Variants in PAN3 observed in about 807,000 individuals in gnomAD.
The protein encoded by PAN3 is poly(A) specific ribonuclease subunit PAN3.
PAN3 carries 19 observed loss-of-function variants against 96.2 expected under a neutral mutation model. The ratio of observed to expected loss-of-function variants is 0.20; its 90% CI spans 0.14 to 0.29. PAN3 has a LOEUF of 0.29. Among genes scored for constraint, PAN3 ranks in the 10% least tolerant of loss-of-function variants. The pLI, the probability that PAN3 is intolerant of heterozygous loss-of-function variation, is 1.00. For synonymous variants in PAN3, 433 were observed against 406.6 expected, an observed-to-expected ratio of 1.06 and a Z score of -0.78; for missense variants, 882 against 1,108.1, an observed-to-expected ratio of 0.80 and a Z score of 2.90.
intron 1 of PAN3, among the ~76,000 whole-genome samples, chr13:28,163,757 C>T (rs777562920): frequency 3.3e-5 from 5 of 152,054 alleles, no homozygotes; most frequent in Admixed American, 6.6e-5. Flanking sequence ...AAAGTTCAAT[C>T]GTTATATGAT....
chr13:28,214,300 C>CA (rs1880456848), intron 5 of PAN3, among the ~76,000 whole-genome samples: 1 of 151,966 alleles, frequency 6.6e-6, no homozygotes, highest in Non-Finnish European at 1.5e-5. Context: ...TTGTAATAGC[C>CA]AAAACTTGGA....
chr13:28,189,389 G>C (rs545929918), intron 4 of PAN3, among the ~76,000 whole-genome samples: 1 of 152,236 alleles, frequency 6.6e-6, no homozygotes, highest in Non-Finnish European at 1.5e-5. Flanking sequence ...GGTGGTGGGT[G>C]CCTGTAATCC....
chr13:28,259,337 G>A (rs374280482), intron 7 of PAN3, among the ~76,000 whole-genome samples: 26 of 149,926 alleles, frequency 1.7e-4, no homozygotes, highest in African/African-American at 4.4e-4. Context: ...ATGGAGTCTC[G>A]GCTCTGTCAC....
intron 6 of PAN3, among the ~76,000 whole-genome samples, chr13:28,247,858 A>G (rs535280099): frequency 6.6e-6 from 1 of 152,052 alleles, no homozygotes; most frequent in Non-Finnish European, 1.5e-5. Context: ...CAAGTAGTAG[A>G]TGTCTCGTGC....
intron 5 of PAN3, among the ~76,000 whole-genome samples, chr13:28,219,271 T>C (rs977831495): frequency 2.0e-5 from 3 of 152,212 alleles, no homozygotes; most frequent in Admixed American, 1.3e-4. Flanking sequence ...AGTTCTAGTG[T>C]ATTTTAATTA....
chr13:28,287,142 C>T (rs1015274514), intron 17 of PAN3, among the ~76,000 whole-genome samples: 9 of 152,174 alleles, frequency 5.9e-5, no homozygotes, highest in Admixed American at 1.3e-4. Flanking sequence ...CGATCTCTGA[C>T]GAAGGAGCAT....
At chr13:28,248,018 T>C (rs1884368518) in intron 6 of PAN3, among the ~76,000 whole-genome samples, 2 of 152,222 alleles carry the variant, frequency 1.3e-5, no homozygotes, top group South Asian at 4.1e-4. Context: ...AGTATTAACA[T>C]TTTAACAATA....
chr13:28,249,094 T>TA (rs1288602759), intron 6 of PAN3, among the ~76,000 whole-genome samples: 1 of 152,206 alleles, frequency 6.6e-6, no homozygotes, highest in Non-Finnish European at 1.5e-5. Context: ...GAAGCCTGAT[T>TA]AAAAAAATGT....
intron 1 of PAN3, among the ~76,000 whole-genome samples, chr13:28,158,612 T>C (rs1406982793): frequency 6.6e-6 from 1 of 152,220 alleles, no homozygotes; most frequent in Non-Finnish European, 1.5e-5. Context: ...GCGTGGTGGC[T>C]CACGCCTGTA....
chr13:28,197,041 G>A (rs1042627410), intron 4 of PAN3, 144 bp from the exon 5 acceptor site: 41 of 942,752 alleles, frequency 4.3e-5, no homozygotes, highest in Non-Finnish European at 4.4e-6. Context: ...GGTGGTGGGT[G>A]GTGGTAAGGA....
intron 6 of PAN3, among the ~76,000 whole-genome samples, chr13:28,230,052 CTCTTTTTTTTTT>C (rs929257719): frequency 4.6e-5 from 7 of 151,316 alleles, no homozygotes; most frequent in Admixed American, 2.0e-4. Flanking sequence ...CTTTTAGTAC[CTCTTTTTTTTTT>C]TCTTTTTTTT....
At chr13:28,285,178 C>G (rs998588191) in intron 17 of PAN3, among the ~76,000 whole-genome samples, 11 of 152,078 alleles carry the variant, frequency 7.2e-5, no homozygotes, top group African/African-American at 2.4e-4. Flanking sequence ...ATTTTATGCT[C>G]TGGTACCTTA....
chr13:28,257,777 A>C (rs1020746124), intron 7 of PAN3, among the ~76,000 whole-genome samples: 3 of 139,280 alleles, frequency 2.2e-5, no homozygotes, highest in African/African-American at 7.9e-5. Context: ...TTATATATAA[A>C]TTATATATAA....
intron 6 of PAN3, among the ~76,000 whole-genome samples, chr13:28,252,842 T>C (rs1377318449): frequency 6.6e-6 from 1 of 152,164 alleles, no homozygotes; most frequent in East Asian, 1.9e-4. Flanking sequence ...ATTTTCATCC[T>C]TCTAGATTGT....
chr13:28,229,223 TA>T (rs1188265483), intron 6 of PAN3, among the ~76,000 whole-genome samples: 3 of 152,232 alleles, frequency 2.0e-5, no homozygotes, highest in African/African-American at 7.2e-5. Context: ...ACATTTGAGA[TA>T]TTTTCTCATT....
intron 1 of PAN3, among the ~76,000 whole-genome samples, chr13:28,163,365 G>A (rs1203079174): frequency 1.3e-5 from 2 of 151,916 alleles, no homozygotes; most frequent in African/African-American, 2.4e-5. Flanking sequence ...AAGAGGTAAA[G>A]GTTTTAACAG....
At chr13:28,158,270 C>A (rs1446742141) in intron 1 of PAN3, among the ~76,000 whole-genome samples, 4 of 152,184 alleles carry the variant, frequency 2.6e-5, no homozygotes, top group Admixed American at 1.3e-4. Flanking sequence ...AAATACCATT[C>A]TGGACATACG....
At chr13:28,209,478 T>A (rs895294478) in intron 5 of PAN3, among the ~76,000 whole-genome samples, 1 of 152,234 alleles carries the variant, frequency 6.6e-6, no homozygotes, top group Non-Finnish European at 1.5e-5. Flanking sequence ...GTAGTATAGG[T>A]GTCTCTTTTC....
At chr13:28,291,595 C>T (rs1220240919) in intron 18 of PAN3, among the ~76,000 whole-genome samples, 3 of 152,088 alleles carry the variant, frequency 2.0e-5, no homozygotes, top group Non-Finnish European at 4.4e-5. Flanking sequence ...TTTGGGAGGC[C>T]GAGGCGGGTG....
Sources: gnomAD v4.1 joint callset for allele counts (sites outside exome capture counted in the v4.1 genomes callset) on GRCh38, gnomAD v4.1.1 for gene constraint, MANE v1.5 for transcripts, NCBI Gene and HGNC (gene_info 2026-07-23, HGNC 2026-07-21) for gene names.